RALGPS1: variants seen among roughly 807,000 people sequenced by gnomAD.
The protein encoded by RALGPS1 is Ral GEF with PH domain and SH3 binding motif 1.
In RALGPS1, 19 loss-of-function variants were observed where a neutral mutation model predicts 78.8. That is an observed-to-expected ratio of 0.24 (90% confidence interval 0.17 to 0.35). The LOEUF (loss-of-function observed/expected upper bound fraction) is 0.35, where lower values mean the gene tolerates loss of function less well. Among genes scored for constraint, RALGPS1 ranks in the 10% least tolerant of loss-of-function variants. RALGPS1 has a pLI of 1.00. For missense variants in RALGPS1, 454 were observed against 688.3 expected, an observed-to-expected ratio of 0.66 and a Z score of 3.81; for synonymous variants, 228 against 256.3, an observed-to-expected ratio of 0.89 and a Z score of 1.06.
At chr9:127,109,103 G>A (rs996202850) in intron 8 of RALGPS1, among the ~76,000 whole-genome samples, 9 of 152,190 alleles carry the variant, frequency 5.9e-5, no homozygotes, top group African/African-American at 2.2e-4. Context: ...CCTGAGAATC[G>A]TATCCAGGCA....
At chr9:127,022,923 C>T (rs1227569273) in intron 4 of RALGPS1, among the ~76,000 whole-genome samples, 2 of 152,180 alleles carry the variant, frequency 1.3e-5, no homozygotes, top group African/African-American at 4.8e-5. Context: ...AAGGTAAGCA[C>T]CATGAAAGTA....
intron 8 of RALGPS1, among the ~76,000 whole-genome samples, chr9:127,144,195 G>A (rs180711346): frequency 9.8e-5 from 15 of 152,304 alleles, no homozygotes; most frequent in Admixed American, 2.6e-4. Context: ...ATCCTTGGCT[G>A]TCCCCCTCTA....
intron 11 of RALGPS1, among the ~76,000 whole-genome samples, chr9:127,181,899 G>C (rs1395015649): frequency 1.3e-5 from 2 of 151,860 alleles, no homozygotes; most frequent in East Asian, 1.9e-4. Flanking sequence ...TGAGATGGGA[G>C]ACTCAAGAAC....
At chr9:127,134,590 T>C (rs1230670877) in intron 8 of RALGPS1, among the ~76,000 whole-genome samples, 4 of 152,174 alleles carry the variant, frequency 2.6e-5, no homozygotes, top group Admixed American at 2.6e-4. Context: ...ATCTCCACTA[T>C]ACAGATGAGG....
chr9:127,179,698 G>A (rs2060097685), intron 11 of RALGPS1, among the ~76,000 whole-genome samples: 1 of 152,244 alleles, frequency 6.6e-6, no homozygotes, highest in Non-Finnish European at 1.5e-5. Context: ...GAACCAGGCA[G>A]CAAAAGCTGC....
intron 1 of RALGPS1, among the ~76,000 whole-genome samples, chr9:126,918,865 TC>T (rs1326255289): frequency 6.6e-6 from 1 of 151,972 alleles, no homozygotes; most frequent in African/African-American, 2.4e-5. Context: ...AGAGGGGGTT[TC>T]TCCATGTTGG....
intron 9 of RALGPS1, 45 bp from the exon 10 acceptor site, chr9:127,168,634 A>G: frequency 1.5e-6 from 2 of 1,366,304 alleles, no homozygotes; most frequent in African/African-American, 1.4e-5. Flanking sequence ...GGGGGCCTAA[A>G]GATGGGAGAG....
intron 3 of RALGPS1, 45 bp from the exon 4 acceptor site, chr9:126,977,650 C>G: frequency 7.5e-7 from 1 of 1,326,594 alleles, no homozygotes; most frequent in Non-Finnish European, 1.1e-6. Context: ...TGACAGTTAT[C>G]TTTGATGTAC....
Position 127,183,796 on chromosome 9 carries a change from T to G in RALGPS1, c.910+9014T>G. Reference sequence around the variant, plus strand: ...ATGGATGGGTGGGAGGGGCCCTCCATGAGGACCTCAGGGATAGGAGGCCAG... The same window carrying G: ...ATGGATGGGTGGGAGGGGCCCTCCAGGAGGACCTCAGGGATAGGAGGCCAG... On this transcript the variant is annotated intron_variant, in intron 11 of 18. Coordinates refer to ENST00000259351, the MANE Select transcript of RALGPS1 (RefSeq NM_014636.3). The surrounding 1 kb of genome is among the most constrained non-coding windows in gnomAD (Gnocchi z 4.0). 1.5e-6 allele frequency: 2 copies of G among 1,369,510 alleles called. No homozygotes were observed. The highest frequency in any genetic ancestry group is 2.0e-6 in the Non-Finnish European group (2 of 1,013,920). 84.8% of individuals were successfully genotyped at this position (1,369,510 alleles called of 1,614,324 possible). A position where few individuals can be genotyped will look rare whatever the true frequency, so the allele number is the denominator to read the frequency against.
rs888600061 is a variant in RALGPS1, at chr9:127,122,855, A to C, written c.611-43214A>C. 1.3e-5 allele frequency: 2 copies of C among 152,264 alleles called. No individual in the cohort carries two copies. The highest frequency in any genetic ancestry group is 4.8e-5 in the African/African-American group (2 of 41,410). The allele number at this position is 152,264 out of a possible 1,614,324, so 9.4% of individuals were successfully genotyped here. A position where few individuals can be genotyped will look rare whatever the true frequency, so the allele number is the denominator to read the frequency against. ...CCAGCTGGCCTGGCCCCTCCCGCCC[A>C]GCCCGCTTTGGCGGCCTCGGCAGGC... On this transcript the variant is annotated intron_variant, in intron 8 of 18. Transcript: ENST00000259351. This position sits in a 1 kb window ranked among gnomAD's most constrained non-coding sequence, Gnocchi z 6.4.
intron 3 of RALGPS1, among the ~76,000 whole-genome samples, chr9:126,968,666 AG>A (rs1284094296): frequency 6.6e-6 from 1 of 152,238 alleles, no homozygotes; most frequent in African/African-American, 2.4e-5. Context: ...TACATGGCAC[AG>A]CTGGGATTTA....
At chr9:126,956,395 C>G (rs934721636) in intron 1 of RALGPS1, among the ~76,000 whole-genome samples, 4 of 152,188 alleles carry the variant, frequency 2.6e-5, no homozygotes, top group Non-Finnish European at 5.9e-5. Context: ...TGATCCTGTA[C>G]TTTCCTAGTA....
intron 8 of RALGPS1, among the ~76,000 whole-genome samples, chr9:127,111,551 T>C (rs534560735): frequency 3.3e-5 from 5 of 152,220 alleles, no homozygotes; most frequent in Admixed American, 6.5e-5. Flanking sequence ...AGGGATCCCA[T>C]GGACAAGTGA....
chr9:127,075,286 G>A (rs908566426), intron 8 of RALGPS1, among the ~76,000 whole-genome samples: 1 of 152,188 alleles, frequency 6.6e-6, no homozygotes, highest in Non-Finnish European at 1.5e-5. Flanking sequence ...CATTTCTTAT[G>A]TTGCATCTGA....
At chr9:127,154,544 T>A (rs1564678431) in intron 8 of RALGPS1, among the ~76,000 whole-genome samples, 1 of 152,260 alleles carries the variant, frequency 6.6e-6, no homozygotes, top group Non-Finnish European at 1.5e-5. Flanking sequence ...GTAAAGAATT[T>A]ACTTTGAGGA....
chr9:127,016,416 A>G (rs1331850126), intron 4 of RALGPS1, among the ~76,000 whole-genome samples: 1 of 152,194 alleles, frequency 6.6e-6, no homozygotes, highest in Non-Finnish European at 1.5e-5. Context: ...TTTTATAGAG[A>G]GTAATCTGTA....
At chr9:127,072,076 A>T (rs142456628) in intron 8 of RALGPS1, among the ~76,000 whole-genome samples, 304 of 152,354 alleles carry the variant, frequency 2.0e-3, no homozygotes, top group Middle Eastern at 0.017. Flanking sequence ...ATCCAATCAT[A>T]CAATATGCTG....
At chr9:127,123,220 C>T (rs1021959326) in intron 8 of RALGPS1, among the ~76,000 whole-genome samples, 2 of 152,222 alleles carry the variant, frequency 1.3e-5, no homozygotes, top group Non-Finnish European at 2.9e-5. Context: ...CACACAGAAG[C>T]TGTGGCATCG....
chr9:126,977,911 A>C, intron 4 of RALGPS1, 166 bp downstream of exon 4: 1 of 507,732 alleles, frequency 2.0e-6, no homozygotes, highest in Admixed American at 4.2e-5. Context: ...TTTTGAGCCC[A>C]GTATTTGGAT....
Sources: gnomAD v4.1 joint callset for allele counts (sites outside exome capture counted in the v4.1 genomes callset) on GRCh38, gnomAD v4.1.1 for gene constraint, Gnocchi (gnomAD v3.1) non-coding constraint, MANE v1.5 for transcripts, NCBI Gene and HGNC (gene_info 2026-07-23, HGNC 2026-07-21) for gene names.